ELF1: variants seen among roughly 807,000 people sequenced by gnomAD.
The protein encoded by ELF1 is E74 like ETS transcription factor 1.
Under a neutral mutation model 59.9 loss-of-function variants are expected in ELF1, and 24 were observed. The observed-to-expected ratio is 0.40, with a 90% CI of 0.29 to 0.56. The LOEUF (loss-of-function observed/expected upper bound fraction) is 0.56, where lower values mean the gene tolerates loss of function less well. Among genes scored for constraint, ELF1 ranks in the 20% least tolerant of loss-of-function variants. The probability of loss-of-function intolerance (pLI) is 0.44; values close to 1 mark genes in which losing one functional copy is unlikely to be tolerated. For synonymous variants in ELF1, 248 were observed against 266.2 expected (o/e 0.93, Z 0.67); for missense variants, 627 against 742.2 (o/e 0.84, Z 1.80).
chr13:41,004,200 TAAAC>T (rs1262792787), intron 1 of ELF1, among the ~76,000 whole-genome samples: 3 of 151,892 alleles, frequency 2.0e-5, no homozygotes, highest in South Asian at 4.2e-4. Context: ...ACAATGTAAA[TAAAC>T]AAGTCAACCA....
At chr13:41,006,207 T>C (rs767320576) in intron 1 of ELF1, among the ~76,000 whole-genome samples, 2 of 152,198 alleles carry the variant, frequency 1.3e-5, no homozygotes, top group Non-Finnish European at 2.9e-5. Flanking sequence ...AGGATCTTGC[T>C]CATTCTTTAT....
chr13:41,054,946 G>A lies in ELF1; in HGVS notation c.-229+5892C>T, dbSNP rs1161409757. 2.0e-5 allele frequency among the ~76,000 whole-genome samples: 3 copies of A among 152,192 alleles called. No individual in the cohort carries two copies. In the East Asian group the frequency reaches 5.8e-4, roughly 29 times the overall value. ...GCTTCCAAAATCTCCTTGTCAAGGG[G>A]CTTCGTAAAATAAACTTTGCTTTGC... On this transcript the variant is annotated intron_variant, in intron 1 of 1. Coordinates refer to the ELF1 transcript ENST00000405737.
intron 1 of ELF1, among the ~76,000 whole-genome samples, chr13:41,017,370 AG>A (rs1399909302): frequency 6.6e-6 from 1 of 152,174 alleles, no homozygotes; most frequent in Non-Finnish European, 1.5e-5. Flanking sequence ...AGCAAATCAC[AG>A]GACCTCTGTG....
At chr13:41,052,904 G>C (rs1236547836) in intron 1 of ELF1, among the ~76,000 whole-genome samples, 1 of 152,156 alleles carries the variant, frequency 6.6e-6, no homozygotes, top group Non-Finnish European at 1.5e-5. Flanking sequence ...AGCACTGTTT[G>C]TAGAATGTGA....
At chr13:40,987,179 A>G in intron 1 of ELF1, among the ~76,000 whole-genome samples, 1 of 148,032 alleles carries the variant, frequency 6.8e-6, no homozygotes, top group African/African-American at 2.5e-5. Context: ...CTTGTGATCC[A>G]CCCGCCTCGG....
intron 1 of ELF1, among the ~76,000 whole-genome samples, chr13:40,991,822 A>G (rs1211282861): frequency 6.6e-6 from 1 of 152,094 alleles, no homozygotes; most frequent in Non-Finnish European, 1.5e-5. Flanking sequence ...TTAACCTACA[A>G]TTGTATATCT....
intron 2 of ELF1, among the ~76,000 whole-genome samples, chr13:40,970,459 T>C (rs978358998): frequency 1.3e-5 from 2 of 152,226 alleles, no homozygotes; most frequent in African/African-American, 4.8e-5. Flanking sequence ...CAGTGACTTG[T>C]AAGAATCCAA....
rs1869458904 is a variant in ELF1 at position 40,932,266 on chromosome 13, A to G, written c.*1159T>C. 1 of 152,212 alleles carries G rather than the reference A, an allele frequency of 6.6e-6. No homozygotes were observed. The highest frequency in any genetic ancestry group is 1.5e-5 in the Non-Finnish European group (1 of 68,042). The allele number at this position is 152,212 out of a possible 1,614,324, so 9.4% of individuals were successfully genotyped here. A position where few individuals can be genotyped will look rare whatever the true frequency, so the allele number is the denominator to read the frequency against. ...AATGTACATTATTTACAGTTGAAAA[A>G]GTAATCTAAAAACATTTCATTTCAG... On this transcript the variant is annotated 3_prime_UTR_variant, in exon 9 of 9. Coordinates refer to ENST00000239882, the MANE Select transcript of ELF1 (RefSeq NM_172373.4).
chr13:40,987,649 G>A (rs1873631770), intron 1 of ELF1, among the ~76,000 whole-genome samples: 2 of 150,486 alleles, frequency 1.3e-5, no homozygotes, highest in African/African-American at 4.9e-5. Context: ...AAAGGTTTTA[G>A]ATCAGACAAT....
intron 2 of ELF1, among the ~76,000 whole-genome samples, chr13:40,963,446 T>A (rs756521687): frequency 2.9e-4 from 44 of 152,244 alleles, no homozygotes; most frequent in Non-Finnish European, 6.0e-4. Flanking sequence ...AATTTAGTCC[T>A]ACAGCCTTCT....
intron 1 of ELF1, among the ~76,000 whole-genome samples, chr13:41,013,544 G>C (rs1442752988): frequency 2.0e-5 from 3 of 152,138 alleles, no homozygotes; most frequent in Non-Finnish European, 2.9e-5. Context: ...AGTCAGCATA[G>C]TAGTTATTTT....
chr13:40,976,749 A>AG (rs1357782409), intron 2 of ELF1, among the ~76,000 whole-genome samples: 1 of 152,164 alleles, frequency 6.6e-6, no homozygotes, highest in Non-Finnish European at 1.5e-5. Flanking sequence ...CATGTTGGTC[A>AG]GGCTGGTCTC....
chr13:41,060,921 G>A, exon 1 of ELF1: 1 of 166,210 alleles, frequency 6.0e-6, no homozygotes, highest in South Asian at 3.1e-5. Context: ...TGCTGCCGCC[G>A]CCGCCGCCGC....
intron 8 of ELF1, among the ~76,000 whole-genome samples, chr13:40,939,505 A>G (rs1869999195): frequency 6.6e-6 from 1 of 152,148 alleles, no homozygotes; most frequent in Admixed American, 6.5e-5. Context: ...TACAAACAAC[A>G]AACAGCCTAG....
intron 5 of ELF1, among the ~76,000 whole-genome samples, chr13:40,948,679 C>G (rs1462418461): frequency 3.3e-5 from 5 of 152,174 alleles, no homozygotes; most frequent in Non-Finnish European, 7.3e-5. Flanking sequence ...AGGTGTCAGA[C>G]TTTAGAATGC....
At chr13:41,029,080 G>A (rs1434394864) in intron 1 of ELF1, among the ~76,000 whole-genome samples, 1 of 152,116 alleles carries the variant, frequency 6.6e-6, no homozygotes, top group Non-Finnish European at 1.5e-5. Flanking sequence ...TTAAATTGTG[G>A]GACATAAGAG....
At position 40,951,223 on chromosome 13, in the gene ELF1, C is replaced by CA. The variant is rs1402952128; in HGVS notation, c.361+105dup. The CA allele has an allele frequency of 6.4e-6, 6 of 935,170 alleles. No homozygotes were observed. The East Asian group carries it at 1.7e-4, about 27-fold the overall frequency. The allele number at this position is 935,170 out of a possible 1,614,324, so 57.9% of individuals were successfully genotyped here. ...ACTATACCTTAAAATGTGATTGTAA[C>CA]AAAAAATATATAACATCATTTCTAA... On this transcript the variant is annotated intron_variant, in intron 4 of 8. Coordinates refer to ENST00000239882, the MANE Select transcript of ELF1 (RefSeq NM_172373.4).
intron 8 of ELF1, among the ~76,000 whole-genome samples, chr13:40,934,420 T>TTC (rs1869626940): frequency 9.6e-6 from 1 of 104,410 alleles, no homozygotes; most frequent in Admixed American, 8.8e-5. Context: ...TTCCTGCTTT[T>TTC]TTTTTTTTTT....
chr13:41,048,866 G>C (rs1876969280), intron 1 of ELF1, among the ~76,000 whole-genome samples: 1 of 151,582 alleles, frequency 6.6e-6, no homozygotes, highest in Non-Finnish European at 1.5e-5. Context: ...TGTATATACT[G>C]TCCTCACCTA....
Sources: gnomAD v4.1 joint callset for allele counts (sites outside exome capture counted in the v4.1 genomes callset) on GRCh38, gnomAD v4.1.1 for gene constraint, MANE v1.5 for transcripts, NCBI Gene and HGNC (gene_info 2026-07-23, HGNC 2026-07-21) for gene names.